The following BMPER variants were observed in gnomAD, a reference collection of about 807,000 sequenced individuals.
The protein encoded by BMPER is BMP binding endothelial regulator.
A neutral mutation model predicts 87.3 loss-of-function variants in BMPER; 45 were observed. That is an observed-to-expected ratio of 0.52 (90% CI 0.41 to 0.66). BMPER has a LOEUF of 0.66. Ranked by LOEUF, BMPER falls within the 30% of genes least tolerant of loss-of-function variation. The pLI, the probability that BMPER is intolerant of heterozygous loss-of-function variation, is 0.00. For missense variants in BMPER, 784 were observed against 867.5 expected (o/e 0.90, Z 1.21); for synonymous variants, 326 against 316.2 (o/e 1.03, Z -0.33).
At chr7:34,051,376 C>A (rs1788142665) in intron 7 of BMPER, among the ~76,000 whole-genome samples, 1 of 152,170 alleles carries the variant, frequency 6.6e-6, no homozygotes, top group African/African-American at 2.4e-5. Context: ...CACCCACCTC[C>A]CCCACTGCCC....
intron 13 of BMPER, among the ~76,000 whole-genome samples, chr7:34,129,615 AGAG>A (rs879607904): frequency 0.093 from 8,530 of 92,116 alleles, 534 homozygotes; most frequent in Middle Eastern, 0.12. Context: ...AGAGAAAGAG[AGAG>A]AGAGAGAAAG....
rs748423268 is a variant in BMPER at position 33,937,335 on chromosome 7, G to A, written c.266G>A (p.Arg89Gln). ...CKREKCPVLSRDCALAIKQRG... is the reference protein window; with the variant it reads ...CKREKCPVLSQDCALAIKQRG... ...AGAGAGAAGTGCCCCGTGCTGTCCC[G>A]AGACTGTGCCCTGGCCATCAAGCAG... Residue 89 changes from arginine (R) to glutamine (Q), a missense_variant, in exon 3 of 15, where the codon CGA becomes CAA. Physicochemically the swap from Arg to Gln is conservative, Grantham distance 43. Transcript: ENST00000649409. 7 of 1,614,062 alleles carry A rather than the reference G, an allele frequency of 4.3e-6. No individual in the cohort carries two copies. The highest frequency in any genetic ancestry group is 4.5e-5 in the East Asian group (2 of 44,882).
intron 6 of BMPER, among the ~76,000 whole-genome samples, chr7:33,988,090 T>C (rs1786062490): frequency 6.6e-6 from 1 of 152,226 alleles, no homozygotes; most frequent in Non-Finnish European, 1.5e-5. Context: ...CACTACATTA[T>C]TCATACTGAT....
intron 3 of BMPER, 76 bp downstream of exon 3, chr7:33,937,464 T>A: frequency 6.7e-7 from 1 of 1,484,486 alleles, no homozygotes; most frequent in Non-Finnish European, 9.4e-7. Context: ...TCACCTTCCT[T>A]TTCACTCAGC....
chr7:34,065,154 CACAT>C, intron 11 of BMPER, among the ~76,000 whole-genome samples: 2 of 151,888 alleles, frequency 1.3e-5, no homozygotes, highest in Non-Finnish European at 2.9e-5. Context: ...CTTATTAAAA[CACAT>C]ACACTCTCTC....
At chr7:34,144,740 G>A (rs935266091) in intron 14 of BMPER, among the ~76,000 whole-genome samples, 2 of 152,170 alleles carry the variant, frequency 1.3e-5, no homozygotes, top group Non-Finnish European at 2.9e-5. Flanking sequence ...AAGGAGAAAT[G>A]ACTGAATAGT....
chr7:34,022,700 T>C lies in BMPER; in HGVS notation c.577-23606T>C, dbSNP rs1487611805. 4.8e-5 allele frequency among the ~76,000 whole-genome samples: 7 copies of C among 145,868 alleles called. No homozygotes were observed. The East Asian group carries it at 1.2e-3, about 25-fold the overall frequency. The stretch of plus-strand genomic sequence containing the variant: ...ACTTGTTGAACCAATCCCTTTAAGG[T>C]TTGCCAAAAAAAAAAAAAAAAAAAG... On this transcript the variant is annotated intron_variant, in intron 6 of 14. Coordinates refer to ENST00000649409, the MANE Select transcript of BMPER (RefSeq NM_001365308.1).
At chr7:34,041,170 G>A (rs1257452897) in intron 6 of BMPER, among the ~76,000 whole-genome samples, 3 of 152,158 alleles carry the variant, frequency 2.0e-5, no homozygotes, top group African/African-American at 7.2e-5. Flanking sequence ...TTTCAACCCT[G>A]CCACTTACTT....
chr7:34,077,804 T>G (rs1788904772), intron 11 of BMPER, among the ~76,000 whole-genome samples: 1 of 152,244 alleles, frequency 6.6e-6, no homozygotes, highest in African/African-American at 2.4e-5. Flanking sequence ...CCCTTAGATA[T>G]TCTGAGAAAT....
intron 3 of BMPER, among the ~76,000 whole-genome samples, chr7:33,942,270 T>C (rs1784789224): frequency 6.6e-6 from 1 of 152,136 alleles, no homozygotes; most frequent in South Asian, 2.1e-4. Flanking sequence ...TGTATAATAG[T>C]AGTCAGCAAG....
chr7:33,954,922 A>C lies in BMPER; in HGVS notation c.320-11557A>C, dbSNP rs1785114571. ...CAATTTTTTTATTTTTTTGAGATGG[A>C]GTTTCACTCTTGTTGCACAGGCTAG... On this transcript the variant is annotated intron_variant, in intron 3 of 14. Transcript: ENST00000649409. Among the ~76,000 whole-genome samples, 6 of 151,906 alleles carry C rather than the reference A, an allele frequency of 3.9e-5. No homozygotes were observed. The South Asian group carries it at 1.2e-3, about 32-fold the overall frequency.
intron 2 of BMPER, among the ~76,000 whole-genome samples, chr7:33,935,390 C>G (rs1784577896): frequency 6.6e-6 from 1 of 152,096 alleles, no homozygotes. Flanking sequence ...TGAACAAATA[C>G]CCATGCCTGG....
At chr7:34,097,905 G>C (rs891180042) in intron 13 of BMPER, among the ~76,000 whole-genome samples, 1 of 152,058 alleles carries the variant, frequency 6.6e-6, no homozygotes, top group Non-Finnish European at 1.5e-5. Context: ...AAAGGGTTAG[G>C]AGCTAATCTT....
At chr7:33,973,138 C>G (rs1785590581) in intron 5 of BMPER, among the ~76,000 whole-genome samples, 1 of 152,198 alleles carries the variant, frequency 6.6e-6, no homozygotes, top group African/African-American at 2.4e-5. Context: ...GTGATGGAAA[C>G]AGTTTGCATA....
At chr7:34,151,376 A>G (rs1413741705) in intron 14 of BMPER, among the ~76,000 whole-genome samples, 1 of 152,218 alleles carries the variant, frequency 6.6e-6, no homozygotes, top group Admixed American at 6.5e-5. Flanking sequence ...AGGAGCTTAC[A>G]TTTTAGTGTT....
intron 6 of BMPER, among the ~76,000 whole-genome samples, chr7:33,989,101 C>T (rs796555919): frequency 2.3e-5 from 3 of 132,726 alleles, no homozygotes; most frequent in Non-Finnish European, 4.7e-5. Context: ...TTTATAGCAG[C>T]ATGATTTATA....
intron 10 of BMPER, among the ~76,000 whole-genome samples, chr7:34,058,901 T>C (rs2127963764): frequency 6.6e-6 from 1 of 152,310 alleles, no homozygotes; most frequent in South Asian, 2.1e-4. Flanking sequence ...ATAGACAGCT[T>C]TTAATTTTAT....
intron 2 of BMPER, among the ~76,000 whole-genome samples, chr7:33,934,095 A>G (rs563801943): frequency 3.9e-4 from 60 of 152,204 alleles, no homozygotes; most frequent in Non-Finnish European, 7.6e-4. Context: ...GCATGTGGGG[A>G]TGAGGCAGCC....
intron 13 of BMPER, among the ~76,000 whole-genome samples, chr7:34,127,464 A>C (rs75967975): frequency 0.023 from 3,491 of 152,244 alleles, 121 homozygotes; most frequent in African/African-American, 0.078. Flanking sequence ...ACACCACATA[A>C]GTCAGCATGC....
Sources: allele counts gnomAD v4.1 joint callset (sites outside exome capture counted in the v4.1 genomes callset), GRCh38; gene constraint gnomAD v4.1.1; transcripts MANE v1.5; gene names NCBI Gene and HGNC (gene_info 2026-07-23, HGNC 2026-07-21).